Variants in ABLIM2 observed in about 807,000 individuals in gnomAD.
ABLIM2 encodes actin-binding LIM protein 2.
ABLIM2 carries 53 observed loss-of-function variants against 97.7 expected under a neutral mutation model. The observed-to-expected ratio is 0.54, with a 90% CI of 0.44 to 0.68. The LOEUF is 0.68. Among genes scored for constraint, ABLIM2 ranks in the 30% least tolerant of loss-of-function variants. The pLI is 0.00. For missense variants in ABLIM2, 835 were observed against 867.2 expected, an observed-to-expected ratio of 0.96 and a Z score of 0.47; for synonymous variants, 361 against 345.8, an observed-to-expected ratio of 1.04 and a Z score of -0.49.
chr4:8,095,800 G>C lies in ABLIM2; in HGVS notation c.338+1299C>G, dbSNP rs1258243274. 6.6e-6 allele frequency among the ~76,000 whole-genome samples: 1 copy of C among 152,130 alleles called. No individual in the cohort carries two copies. Among genetic ancestry groups the C allele is most frequent in the Non-Finnish European group, 1.5e-5 (1 of 68,020 alleles). On this transcript the variant is annotated intron_variant, in intron 3 of 20. Transcript: ENST00000447017. The surrounding 1 kb of genome is among the most constrained non-coding windows in gnomAD (Gnocchi z 4.7). ...CGACCTTTTGGTGTCCACACTGCAT[G>C]CCCTGGGGTTCGACGAGGAATCTCT...
chr4:8,049,262 T>A (rs887009075), intron 8 of ABLIM2, among the ~76,000 whole-genome samples: 5 of 152,228 alleles, frequency 3.3e-5, no homozygotes, highest in Admixed American at 2.0e-4. Context: ...GGCTTGTGTG[T>A]TGAGTGACCA....
rs747271293 is a variant in ABLIM2, at chr4:8,127,652, G to A, written c.11-21015C>T. On this transcript the variant is annotated intron_variant, in intron 1 of 20. Coordinates refer to ENST00000447017, the MANE Select transcript of ABLIM2 (RefSeq NM_001130083.2). This position sits in a 1 kb window ranked among gnomAD's most constrained non-coding sequence, Gnocchi z 7.3. ...TGGGCCTGGCACCCACGGAGGATCG[G>A]GCAGGAGTGGACCGGGGAAGAGCCT... 39 of 1,284,796 alleles carry A rather than the reference G, an allele frequency of 3.0e-5. No individual in the cohort carries two copies. Among genetic ancestry groups the A allele is most frequent in the East Asian group, 5.6e-5 (1 of 17,886 alleles). 79.6% of individuals were successfully genotyped at this position (1,284,796 alleles called of 1,614,324 possible). A position where few individuals can be genotyped will look rare whatever the true frequency, so the allele number is the denominator to read the frequency against.
intron 1 of ABLIM2, among the ~76,000 whole-genome samples, chr4:8,134,843 C>T (rs755948624): frequency 2.6e-5 from 4 of 152,266 alleles, no homozygotes; most frequent in African/African-American, 4.8e-5. Context: ...AACAATTCCT[C>T]TTCCAGGAAT....
chr4:7,977,365 C>G lies in ABLIM2; in HGVS notation c.1824+5899G>C, dbSNP rs1026378916. Among the ~76,000 whole-genome samples, 3 of 152,212 alleles carry G rather than the reference C, an allele frequency of 2.0e-5. No homozygotes were observed. In the South Asian group the frequency reaches 6.2e-4, roughly 32 times the overall value. ...GTGTAAAAATGGATGAATACACACA[C>G]ATACCCACATGTATATGCACATATC... On this transcript the variant is annotated intron_variant, in intron 20 of 20. Transcript: ENST00000447017.
In ABLIM2 at chr4:8,015,458, G is replaced by A. The variant is rs774418143; in HGVS notation, c.1423+4160C>T. Among the ~76,000 whole-genome samples, 5 of 152,000 alleles carry A rather than the reference G, an allele frequency of 3.3e-5. No homozygotes were observed. The highest frequency in any genetic ancestry group is 2.0e-4 in the Admixed American group (3 of 15,262). ...GCCTGCCGTTCCTCCCCATCCCGCCGGTCCCCAAACCAAAATGAGACTCCA... is the reference window on the plus strand; with the variant it reads ...GCCTGCCGTTCCTCCCCATCCCGCCAGTCCCCAAACCAAAATGAGACTCCA... On this transcript the variant is annotated intron_variant, in intron 14 of 20. Transcript: ENST00000447017. The surrounding 1 kb of genome is among the most constrained non-coding windows in gnomAD (Gnocchi z 4.6).
chr4:8,062,235 G>C (rs1803671497), intron 6 of ABLIM2, among the ~76,000 whole-genome samples: 2 of 152,184 alleles, frequency 1.3e-5, no homozygotes, highest in Admixed American at 6.6e-5. Flanking sequence ...ACACTGTTCA[G>C]GGATTACTTG....
chr4:8,042,570 G>A (rs1418942568), intron 9 of ABLIM2, among the ~76,000 whole-genome samples: 1 of 152,214 alleles, frequency 6.6e-6, no homozygotes, highest in Non-Finnish European at 1.5e-5. Context: ...GCCAGGCACA[G>A]CGGCTCACGC....
chr4:8,141,529 A>G (rs572258612), intron 1 of ABLIM2, among the ~76,000 whole-genome samples: 2 of 152,382 alleles, frequency 1.3e-5, no homozygotes, highest in African/African-American at 4.8e-5. Flanking sequence ...TATGCTTAAT[A>G]TTAAGCAGAC....
chr4:8,135,738 C>T (rs576615856), intron 1 of ABLIM2, among the ~76,000 whole-genome samples: 2 of 152,330 alleles, frequency 1.3e-5, no homozygotes, highest in South Asian at 2.1e-4. Flanking sequence ...GCGCAGATGA[C>T]GCGGGTTCCG....
chr4:7,972,318 C>T (rs1201549265), intron 20 of ABLIM2, among the ~76,000 whole-genome samples: 1 of 152,180 alleles, frequency 6.6e-6, no homozygotes, highest in Non-Finnish European at 1.5e-5. Flanking sequence ...AGGGGAAGCA[C>T]CATGCAGTGC....
chr4:8,145,805 G>T (rs1385937356), intron 1 of ABLIM2, among the ~76,000 whole-genome samples: 2 of 149,038 alleles, frequency 1.3e-5, no homozygotes, highest in Admixed American at 1.3e-4. Context: ...CCCTGTGCTT[G>T]TAACATGTCA....
chr4:8,126,191 C>T (rs952081089), intron 1 of ABLIM2, among the ~76,000 whole-genome samples: 1 of 152,190 alleles, frequency 6.6e-6, no homozygotes, highest in East Asian at 1.9e-4. Flanking sequence ...GTCCCAGTTC[C>T]TCTGTGCAGG....
intron 1 of ABLIM2, among the ~76,000 whole-genome samples, chr4:8,119,625 C>T (rs1423522211): frequency 6.6e-6 from 1 of 152,174 alleles, no homozygotes; most frequent in Non-Finnish European, 1.5e-5. Context: ...CGTGCCCAGA[C>T]TGGGCTTCCT....
In ABLIM2 at chr4:8,112,582, A is replaced by G. The variant is rs894834149; in HGVS notation, c.11-5945T>C. Reference sequence around the variant, plus strand: ...AGGAAAAACGATGACTCTGAGGTCTACTCGAGGTTTCCCAGTCCAGAGCGG... The same window carrying G: ...AGGAAAAACGATGACTCTGAGGTCTGCTCGAGGTTTCCCAGTCCAGAGCGG... On this transcript the variant is annotated intron_variant, in intron 1 of 20. Coordinates refer to ENST00000447017, the MANE Select transcript of ABLIM2 (RefSeq NM_001130083.2). This position sits in a 1 kb window ranked among gnomAD's most constrained non-coding sequence, Gnocchi z 4.2. 6.6e-6 allele frequency among the ~76,000 whole-genome samples: 1 copy of G among 152,098 alleles called. No homozygotes were observed. The highest frequency in any genetic ancestry group is 2.4e-5 in the African/African-American group (1 of 41,408).
chr4:8,011,237 G>A (rs993837871), intron 14 of ABLIM2, among the ~76,000 whole-genome samples: 3 of 152,234 alleles, frequency 2.0e-5, no homozygotes, highest in Admixed American at 6.5e-5. Context: ...CTCAAAAACA[G>A]CCTCCGCCAT....
intron 1 of ABLIM2, among the ~76,000 whole-genome samples, chr4:8,135,079 G>A (rs955514720): frequency 2.0e-5 from 3 of 152,216 alleles, no homozygotes; most frequent in African/African-American, 7.2e-5. Flanking sequence ...AGTCCTGATG[G>A]TGGGACATGC....
In ABLIM2 at chr4:8,158,757, C is replaced by G. The variant is rs1716262091; in HGVS notation, c.-68G>C. On this transcript the variant is annotated 5_prime_UTR_variant, in exon 1 of 21. Coordinates refer to ENST00000447017, the MANE Select transcript of ABLIM2 (RefSeq NM_001130083.2). ...GCCAGACCCTCGGGCCCGCAGGTGCCGCGCCCGCGCTATCCTCCGCCCGCC... is the reference window on the plus strand; with the variant it reads ...GCCAGACCCTCGGGCCCGCAGGTGCGGCGCCCGCGCTATCCTCCGCCCGCC... 9.2e-6 allele frequency: 12 copies of G among 1,306,492 alleles called. No homozygotes were observed. The highest frequency in any genetic ancestry group is 3.1e-5 in the East Asian group (1 of 31,880). The allele number at this position is 1,306,492 out of a possible 1,614,324, so 80.9% of individuals were successfully genotyped here.
chr4:8,020,241 A>AG lies in ABLIM2; in HGVS notation c.1329dup (p.Ser444LeufsTer20). 3 of 1,613,660 alleles carry AG rather than the reference A, an allele frequency of 1.9e-6. No individual in the cohort carries two copies. Among genetic ancestry groups the AG allele is most frequent in the Non-Finnish European group, 2.5e-6 (3 of 1,179,820 alleles). ...TGGCGAGGTGCCTGCTGGTAGGTGG[A>AG]GGGGGGCGGCTTGCTGTCAGAGAGC... On this transcript the variant is annotated frameshift_variant, in exon 13 of 21. Coordinates refer to ENST00000447017, the MANE Select transcript of ABLIM2 (RefSeq NM_001130083.2). LOFTEE classifies it high-confidence loss of function.
At chr4:8,141,255 A>T (rs1850944636) in intron 1 of ABLIM2, among the ~76,000 whole-genome samples, 1 of 152,004 alleles carries the variant, frequency 6.6e-6, no homozygotes, top group Non-Finnish European at 1.5e-5. Flanking sequence ...GATCACAAAC[A>T]TCGAAGTGCC....
Sources: allele counts gnomAD v4.1 joint callset (sites outside exome capture counted in the v4.1 genomes callset), GRCh38; gene constraint gnomAD v4.1.1; non-coding constraint Gnocchi (gnomAD v3.1); transcripts MANE v1.5; gene names NCBI Gene and HGNC (gene_info 2026-07-23, HGNC 2026-07-21).